Variants in PLCG2 observed in about 807,000 individuals in gnomAD.
PLCG2 encodes 1-phosphatidylinositol 4,5-bisphosphate phosphodiesterase gamma-2.
PLCG2 carries 69 observed loss-of-function variants against 175.6 expected under a neutral mutation model. That is an observed-to-expected ratio of 0.39 (90% CI 0.32 to 0.48). The LOEUF is 0.48. Ranked by LOEUF, PLCG2 falls within the 20% of genes least tolerant of loss-of-function variation. The probability of loss-of-function intolerance (pLI) is 0.91; values close to 1 mark genes in which losing one functional copy is unlikely to be tolerated. For synonymous variants in PLCG2, 827 were observed against 624.0 expected, an observed-to-expected ratio of 1.33 and a Z score of -4.85; for missense variants, 1,798 against 1,650.9, an observed-to-expected ratio of 1.09 and a Z score of -1.54.
chr16:81,786,015 C>G lies in PLCG2; in HGVS notation c.26C>G (p.Ser9Cys). 1 of 1,614,186 alleles carries G rather than the reference C, an allele frequency of 6.2e-7. No homozygotes were observed. The highest frequency in any genetic ancestry group is 8.5e-7 in the Non-Finnish European group (1 of 1,180,016). MSTTVNVD[S>C]LAEYEKSQIK... The stretch of plus-strand genomic sequence containing the variant: ...ATGTCCACCACGGTCAATGTAGATT[C>G]CCTTGCGGAATATGAGAAGAGCCAG... The change falls in exon 2 of 33, where the codon TCC (serine) becomes TGC (cysteine). Residue 9 changes from serine to cysteine, a missense_variant. Coordinates refer to ENST00000564138, the MANE Select transcript of PLCG2 (RefSeq NM_002661.5).
At chr16:81,799,097 C>T (rs1158692356) in intron 2 of PLCG2, 1 of 152,254 alleles carries the variant, frequency 6.6e-6, no homozygotes, top group Non-Finnish European at 1.5e-5. Flanking sequence ...CTCTGAGCTG[C>T]TTCCCTCTGG....
chr16:81,939,373 T>C (rs1211948353), intron 29 of PLCG2, among the ~76,000 whole-genome samples: 1 of 152,156 alleles, frequency 6.6e-6, no homozygotes, highest in African/African-American at 2.4e-5. Flanking sequence ...GGAACCGTGA[T>C]TGGTGGGCCT....
chr16:81,784,561 A>G (rs1401025713), intron 1 of PLCG2, among the ~76,000 whole-genome samples: 1 of 152,218 alleles, frequency 6.6e-6, no homozygotes. Context: ...CTTGAGAGCT[A>G]CAGAGTAACA....
rs1474179534 is a variant in PLCG2 at position 81,938,847 on chromosome 16, G to A, written c.3245G>A (p.Cys1082Tyr). 2 of 1,613,744 alleles carry A rather than the reference G, an allele frequency of 1.2e-6. No homozygotes were observed. Among genetic ancestry groups the A allele is most frequent in the Non-Finnish European group, 1.7e-6 (2 of 1,179,850 alleles). ...CCCAAACTTGGACGAAGTATTGCCT[G>A]TCCCTTTGTAGAAGTGGAGATCTGT... ...HLPKLGRSIA[C>Y]PFVEVEICGA... Residue 1082 changes from cysteine to tyrosine, a missense_variant, in exon 29 of 33, where the codon TGT (cysteine) becomes TAT (tyrosine). By Grantham distance (194) the Cys-to-Tyr change is radical (BLOSUM62 -2). Coordinates refer to ENST00000564138, the MANE Select transcript of PLCG2 (RefSeq NM_002661.5).
At chr16:81,926,052 G>A (rs1013158820) in intron 22 of PLCG2, among the ~76,000 whole-genome samples, 8 of 151,758 alleles carry the variant, frequency 5.3e-5, no homozygotes, top group East Asian at 1.9e-4. Context: ...GGAAGACTCC[G>A]TGGGAGAGGA....
At chr16:81,911,889 C>T (rs1366985641) in intron 18 of PLCG2, among the ~76,000 whole-genome samples, 1 of 148,882 alleles carries the variant, frequency 6.7e-6, no homozygotes, top group Admixed American at 6.8e-5. Flanking sequence ...CCTTTGCCTC[C>T]TGGGTTCAAG....
chr16:81,764,912 AC>A (rs2143094821), intron 2 of PLCG2, among the ~76,000 whole-genome samples: 1 of 152,062 alleles, frequency 6.6e-6, no homozygotes, highest in Non-Finnish European at 1.5e-5. Flanking sequence ...CAAAACTGAG[AC>A]CCTGTCTCTA....
Position 81,959,544 on chromosome 16 carries a change from A to G in PLCG2, c.*1546A>G. ...TTACCTCGCTTGAAGCCAGGAACACAGGGAACAGCAGTCTGGCCAAGGAAG... is the reference window on the plus strand; with the variant it reads ...TTACCTCGCTTGAAGCCAGGAACACGGGGAACAGCAGTCTGGCCAAGGAAG... On this transcript the variant is annotated 3_prime_UTR_variant, in exon 33 of 33. Coordinates refer to ENST00000564138, the MANE Select transcript of PLCG2 (RefSeq NM_002661.5). 4.8e-6 allele frequency: 1 copy of G among 206,260 alleles called. No homozygotes were observed. Among genetic ancestry groups the G allele is most frequent in the Non-Finnish European group, 9.9e-6 (1 of 100,932 alleles). The allele number at this position is 206,260 out of a possible 1,614,324, so 12.8% of individuals were successfully genotyped here. A position where few individuals can be genotyped will look rare whatever the true frequency, so the allele number is the denominator to read the frequency against.
chr16:81,754,790 A>G (rs1431976712), intron 1 of PLCG2, among the ~76,000 whole-genome samples: 1 of 152,084 alleles, frequency 6.6e-6, no homozygotes, highest in Non-Finnish European at 1.5e-5. Flanking sequence ...AAAATATGCT[A>G]TGAAGATTGA....
At chr16:81,828,235 A>AC (rs1905122686) in intron 2 of PLCG2, among the ~76,000 whole-genome samples, 10 of 59,372 alleles carry the variant, frequency 1.7e-4, no homozygotes, top group African/African-American at 6.1e-4. Context: ...GAGAAATGTC[A>AC]TTTTTTTTTT....
chr16:81,865,377 G>T (rs1169001114), intron 5 of PLCG2, among the ~76,000 whole-genome samples: 1 of 152,162 alleles, frequency 6.6e-6, no homozygotes, highest in Non-Finnish European at 1.5e-5. Context: ...AGAGGTGGGA[G>T]TGAGGGAGGG....
At chr16:81,757,190 C>T (rs888418695) in intron 2 of PLCG2, among the ~76,000 whole-genome samples, 4 of 152,156 alleles carry the variant, frequency 2.6e-5, no homozygotes, top group African/African-American at 7.2e-5. Flanking sequence ...CACTCATCCA[C>T]CCATCCGATC....
chr16:81,891,134 G>T (rs1400690101), intron 10 of PLCG2, among the ~76,000 whole-genome samples: 2 of 152,180 alleles, frequency 1.3e-5, no homozygotes, highest in African/African-American at 4.8e-5. Flanking sequence ...CTGCACTCCA[G>T]CCTGGGCAAC....
In PLCG2 at chr16:81,900,690, A is replaced by G. The variant is rs1412032487; in HGVS notation, c.1272A>G (p.Val424=). The G allele has an allele frequency of 6.2e-7, 1 of 1,613,408 alleles. No individual in the cohort carries two copies. The highest frequency in any genetic ancestry group is 1.1e-5 in the South Asian group (1 of 91,072). ...QRHMAKAFKE[V]FGDLLLTKPT... is the part of the protein sequence containing the mutation. ...ACATGGCCAAGGCCTTCAAGGAAGTATTTGGCGACCTGCTGTTGACGAAGC... is the reference window on the plus strand; with the variant it reads ...ACATGGCCAAGGCCTTCAAGGAAGTGTTTGGCGACCTGCTGTTGACGAAGC... The change falls in exon 14 of 33, where the codon GTA becomes GTG. Residue 424 remains valine (V), a synonymous_variant. Coordinates refer to ENST00000564138, the MANE Select transcript of PLCG2 (RefSeq NM_002661.5).
At chr16:81,844,070 G>A (rs1335963841) in intron 2 of PLCG2, among the ~76,000 whole-genome samples, 5 of 143,620 alleles carry the variant, frequency 3.5e-5, no homozygotes, top group Non-Finnish European at 7.6e-5. Context: ...TCTGCCTCCC[G>A]GGTTTATGCC....
At chr16:81,827,780 T>C (rs1233731082) in intron 2 of PLCG2, among the ~76,000 whole-genome samples, 1 of 151,650 alleles carries the variant, frequency 6.6e-6, no homozygotes, top group Non-Finnish European at 1.5e-5. Flanking sequence ...TACTGTGAAA[T>C]CTCCTCATTT....
At chr16:81,865,423 G>C (rs181794952) in intron 5 of PLCG2, among the ~76,000 whole-genome samples, 3 of 152,282 alleles carry the variant, frequency 2.0e-5, no homozygotes, top group Admixed American at 6.5e-5. Flanking sequence ...GGCTGTCCCA[G>C]AGCTAGGAGC....
intron 2 of PLCG2, among the ~76,000 whole-genome samples, chr16:81,851,592 A>G (rs1358612759): frequency 6.6e-6 from 1 of 152,070 alleles, no homozygotes; most frequent in Non-Finnish European, 1.5e-5. Context: ...GGCTCCCTGC[A>G]ACCTCCGCCT....
intron 14 of PLCG2, 133 bp from the exon 15 acceptor site, chr16:81,905,270 T>C: frequency 1.5e-6 from 1 of 666,142 alleles, no homozygotes; most frequent in Non-Finnish European, 2.7e-6. Flanking sequence ...CTGAACAGAC[T>C]AAGAGGGAAG....
Sources: gnomAD v4.1 joint callset for allele counts (sites outside exome capture counted in the v4.1 genomes callset) on GRCh38, gnomAD v4.1.1 for gene constraint, MANE v1.5 for transcripts, NCBI Gene and HGNC (gene_info 2026-07-23, HGNC 2026-07-21) for gene names.